Variants in RALYL observed in about 807,000 individuals in gnomAD.
The protein encoded by RALYL is RNA-binding Raly-like protein.
RALYL carries 29 observed loss-of-function variants against 35.1 expected under a neutral mutation model. That is an observed-to-expected ratio of 0.83 (90% CI 0.61 to 1.13). The LOEUF (loss-of-function observed/expected upper bound fraction) is 1.13, where lower values mean the gene tolerates loss of function less well. Among genes scored for constraint, RALYL ranks in the 50% most tolerant of loss-of-function variants. The pLI is 0.00. For synonymous variants in RALYL, 120 were observed against 127.6 expected (o/e 0.94, Z 0.40); for missense variants, 359 against 360.4 (o/e 1.00, Z 0.03).
intron 2 of RALYL, among the ~76,000 whole-genome samples, chr8:84,748,940 C>G (rs767119790): frequency 1.3e-5 from 2 of 152,064 alleles, no homozygotes; most frequent in Non-Finnish European, 2.9e-5. Flanking sequence ...AACTAAAGTT[C>G]CCCTAACACC....
intron 5 of RALYL, among the ~76,000 whole-genome samples, chr8:84,862,068 T>C (rs1295963254): frequency 6.6e-6 from 1 of 152,230 alleles, no homozygotes; most frequent in Admixed American, 6.5e-5. Context: ...TGAGTTCCTC[T>C]TGGAGGTCAC....
chr8:84,306,660 G>A (rs566737096), intron 1 of RALYL, among the ~76,000 whole-genome samples: 1 of 152,278 alleles, frequency 6.6e-6, no homozygotes, highest in African/African-American at 2.4e-5. Context: ...GGACAGCTCT[G>A]CAGGAGCTGA....
intron 4 of RALYL, among the ~76,000 whole-genome samples, chr8:84,816,391 T>C (rs1393421565): frequency 6.6e-6 from 1 of 152,230 alleles, no homozygotes; most frequent in Non-Finnish European, 1.5e-5. Flanking sequence ...GACTTTAATA[T>C]GAATTAGTTG....
At chr8:84,257,787 T>G (rs974668205) in intron 1 of RALYL, among the ~76,000 whole-genome samples, 2 of 152,096 alleles carry the variant, frequency 1.3e-5, no homozygotes, top group Non-Finnish European at 2.9e-5. Context: ...GTTTTCCCAG[T>G]GAAAATTTAA....
chr8:84,229,066 T>C (rs562627956), intron 1 of RALYL, among the ~76,000 whole-genome samples: 23 of 152,330 alleles, frequency 1.5e-4, no homozygotes, highest in East Asian at 3.9e-4. Flanking sequence ...CTCCAGCTTT[T>C]TATGGAATTT....
At chr8:84,752,711 G>A (rs1810369808) in intron 2 of RALYL, among the ~76,000 whole-genome samples, 1 of 152,112 alleles carries the variant, frequency 6.6e-6, no homozygotes, top group South Asian at 2.1e-4. Flanking sequence ...TACAGCTTGG[G>A]CCACTGCTTC....
At chr8:84,285,058 T>C (rs1416280398) in intron 1 of RALYL, among the ~76,000 whole-genome samples, 1 of 152,176 alleles carries the variant, frequency 6.6e-6, no homozygotes, top group Non-Finnish European at 1.5e-5. Context: ...GAGAGAATTA[T>C]GATTGTATAT....
intron 2 of RALYL, among the ~76,000 whole-genome samples, chr8:84,682,818 G>GT (rs1554776859): frequency 1.2e-3 from 188 of 151,522 alleles, no homozygotes; most frequent in African/African-American, 3.8e-3. Context: ...TTTTTTGATG[G>GT]GTTTTTTTTT....
intron 2 of RALYL, among the ~76,000 whole-genome samples, chr8:84,631,039 AT>A (rs2131241881): frequency 6.6e-6 from 1 of 152,158 alleles, no homozygotes; most frequent in South Asian, 2.1e-4. Flanking sequence ...GCATATAGTT[AT>A]TTTAGAAACA....
At chr8:84,787,813 A>C (rs549899776) in intron 3 of RALYL, among the ~76,000 whole-genome samples, 29 of 152,308 alleles carry the variant, frequency 1.9e-4, no homozygotes, top group African/African-American at 6.5e-4. Flanking sequence ...GGCCACATAA[A>C]TGTCTTCTTT....
chr8:84,261,210 T>C (rs1832225225), intron 1 of RALYL, among the ~76,000 whole-genome samples: 1 of 152,194 alleles, frequency 6.6e-6, no homozygotes, highest in Admixed American at 6.5e-5. Context: ...TTATAAATTA[T>C]CTCAGCAAAA....
intron 2 of RALYL, among the ~76,000 whole-genome samples, chr8:84,687,276 A>T (rs1158052410): frequency 6.6e-6 from 1 of 152,152 alleles, no homozygotes; most frequent in Non-Finnish European, 1.5e-5. Context: ...GCATAAAATG[A>T]TCTTAGGGTC....
chr8:84,705,935 A>G, intron 2 of RALYL: 2 of 1,512,938 alleles, frequency 1.3e-6, no homozygotes, highest in Non-Finnish European at 1.8e-6. Context: ...TCAGTGAGCA[A>G]CAGTCTTACT....
chr8:84,423,483 T>TG (rs1237746315), intron 1 of RALYL, among the ~76,000 whole-genome samples: 1 of 152,150 alleles, frequency 6.6e-6, no homozygotes, highest in African/African-American at 2.4e-5. Context: ...AGCACACTGA[T>TG]GGATCTTGAC....
intron 2 of RALYL, among the ~76,000 whole-genome samples, chr8:84,578,332 C>T (rs1305720584): frequency 6.6e-6 from 1 of 152,208 alleles, no homozygotes; most frequent in Non-Finnish European, 1.5e-5. Flanking sequence ...AACCACAGAG[C>T]TCCAAAGAGG....
At chr8:84,819,399 A>G (rs185865005) in intron 4 of RALYL, among the ~76,000 whole-genome samples, 1 of 152,228 alleles carries the variant, frequency 6.6e-6, no homozygotes. Context: ...GCACCTGTCA[A>G]TGACACTTTT....
chr8:84,577,673 T>C (rs1180484524), intron 2 of RALYL, among the ~76,000 whole-genome samples: 4 of 152,196 alleles, frequency 2.6e-5, no homozygotes, highest in South Asian at 2.1e-4. Context: ...TATTGCATTT[T>C]GTCACTCTAG....
intron 1 of RALYL, among the ~76,000 whole-genome samples, chr8:84,267,838 T>C (rs1833621382): frequency 6.6e-6 from 1 of 152,202 alleles, no homozygotes; most frequent in South Asian, 2.1e-4. Flanking sequence ...GTTGTTGTTT[T>C]TAAAGCAGAG....
chr8:84,701,208 C>T (rs923052833), intron 2 of RALYL, among the ~76,000 whole-genome samples: 2 of 152,146 alleles, frequency 1.3e-5, no homozygotes, highest in African/African-American at 4.8e-5. Flanking sequence ...TGAGATATCA[C>T]TTCCTATCAC....
Sources: gnomAD v4.1 joint callset for allele counts (sites outside exome capture counted in the v4.1 genomes callset) on GRCh38, gnomAD v4.1.1 for gene constraint, MANE v1.5 for transcripts, NCBI Gene and HGNC (gene_info 2026-07-23, HGNC 2026-07-21) for gene names.